Variants in CLDN14 observed in about 807,000 individuals in gnomAD.
CLDN14 encodes the protein claudin 14, also known as claudin-14.
A neutral mutation model predicts 2.1 loss-of-function variants in CLDN14; 2 were observed. The observed-to-expected ratio is 0.96, with a 90% CI of 0.39 to 3.01. The LOEUF (loss-of-function observed/expected upper bound fraction) is 3.01, where lower values mean the gene tolerates loss of function less well. Ranked by LOEUF, CLDN14 falls within the 30% of genes most tolerant of loss-of-function variation. The pLI, the probability that CLDN14 is intolerant of heterozygous loss-of-function variation, is 0.09. For synonymous variants in CLDN14, 136 were observed against 154.4 expected (o/e 0.88, Z 0.88); for missense variants, 298 against 328.0 (o/e 0.91, Z 0.71).
rs934736570 is a variant in CLDN14 at position 36,568,045 on chromosome 21, C to T, written c.-220+8366G>A. On this transcript the variant is annotated intron_variant, in intron 1 of 2. Transcript: ENST00000342108. ...AGCAAGAGGTCTAGAGAAAGGCAACCGGGAATGGTTCGGAGAAGCGCTCTG... is the reference window on the plus strand; with the variant it reads ...AGCAAGAGGTCTAGAGAAAGGCAACTGGGAATGGTTCGGAGAAGCGCTCTG... Among the ~76,000 whole-genome samples, 4 of 151,906 alleles carry T rather than the reference C, an allele frequency of 2.6e-5. No homozygotes were observed. The East Asian group carries it at 5.8e-4, about 22-fold the overall frequency.
chr21:36,478,861 G>A (rs556159121), intron 1 of CLDN14, among the ~76,000 whole-genome samples: 1 of 152,296 alleles, frequency 6.6e-6, no homozygotes, highest in South Asian at 2.1e-4. Flanking sequence ...CGTGGCAGCT[G>A]TTGGGGATGT....
intron 1 of CLDN14, among the ~76,000 whole-genome samples, chr21:36,561,703 C>T (rs776258526): frequency 1.3e-5 from 2 of 152,190 alleles, no homozygotes; most frequent in Non-Finnish European, 2.9e-5. Flanking sequence ...TTCAATGTAG[C>T]AAATGCACCT....
At position 36,563,563 on chromosome 21, in the gene CLDN14, C is replaced by T. The variant is rs145221638; in HGVS notation, c.-220+12848G>A. ...CTTACAGTCTTATGAGCCATAGGGC[C>T]GTCACTGATAATTCTCTGTCAAAGA... On this transcript the variant is annotated intron_variant, in intron 1 of 2. Coordinates refer to the CLDN14 transcript ENST00000342108. Among the ~76,000 whole-genome samples the T allele has an allele frequency of 3.2e-3, 494 of 152,260 alleles. 1 individual carries two copies. Among genetic ancestry groups the T allele is most frequent in the African/African-American group, 0.011 (448 of 41,550 alleles).
At chr21:36,489,374 A>G (rs193191070) in intron 2 of CLDN14, among the ~76,000 whole-genome samples, 234 of 152,202 alleles carry the variant, frequency 1.5e-3, no homozygotes, top group Middle Eastern at 0.014. Flanking sequence ...CTCCCTTCTC[A>G]GTTCCAGCTG....
chr21:36,467,696 G>A (rs1051731139), intron 1 of CLDN14, among the ~76,000 whole-genome samples: 8 of 152,132 alleles, frequency 5.3e-5, no homozygotes, highest in Non-Finnish European at 4.4e-5. Flanking sequence ...TGGGATGGGT[G>A]GGGTGTTTGA....
chr21:36,481,349 T>G (rs902613539), upstream of CLDN14, among the ~76,000 whole-genome samples: 1 of 152,184 alleles, frequency 6.6e-6, no homozygotes, highest in Non-Finnish European at 1.5e-5. Flanking sequence ...TTAAGAATAT[T>G]GGAATATATA....
At chr21:36,533,532 T>C (rs908612788) in intron 1 of CLDN14, among the ~76,000 whole-genome samples, 3 of 152,124 alleles carry the variant, frequency 2.0e-5, no homozygotes, top group African/African-American at 7.2e-5. Flanking sequence ...GGTGATTACG[T>C]AGACATTGTA....
intron 1 of CLDN14, among the ~76,000 whole-genome samples, chr21:36,537,656 CT>C (rs71198822): frequency 2.4e-4 from 35 of 143,248 alleles, no homozygotes; most frequent in Admixed American, 4.9e-4. Context: ...CTTTTCTTTT[CT>C]TTTTTTTTTT....
chr21:36,548,721 G>A (rs879679024), intron 1 of CLDN14, among the ~76,000 whole-genome samples: 11 of 152,140 alleles, frequency 7.2e-5, no homozygotes, highest in Non-Finnish European at 1.5e-4. Flanking sequence ...CAAAGGCATC[G>A]ATGACCCCCT....
chr21:36,488,488 T>C (rs1191035986), intron 2 of CLDN14, among the ~76,000 whole-genome samples: 1 of 152,096 alleles, frequency 6.6e-6, no homozygotes, highest in African/African-American at 2.4e-5. Flanking sequence ...GCCAGGATGA[T>C]CTCAATCCCT....
intron 1 of CLDN14, among the ~76,000 whole-genome samples, chr21:36,553,050 C>T (rs543602321): frequency 1.6e-4 from 25 of 152,330 alleles, no homozygotes; most frequent in African/African-American, 5.5e-4. Flanking sequence ...AATCCCTTGG[C>T]CTTGGGCCTC....
chr21:36,489,131 A>AATATATATAT (rs1555847001), intron 2 of CLDN14, among the ~76,000 whole-genome samples: 28 of 62,738 alleles, frequency 4.5e-4, no homozygotes, highest in East Asian at 1.2e-3. Context: ...AAAAAAAAAA[A>AATATATATAT]ATATATATAT....
At chr21:36,568,430 C>T (rs78326587) in intron 1 of CLDN14, among the ~76,000 whole-genome samples, 47 of 152,330 alleles carry the variant, frequency 3.1e-4, no homozygotes, top group Admixed American at 7.8e-4. Flanking sequence ...GCCACCAGTG[C>T]GGCATCTTCT....
At chr21:36,537,488 G>A (rs2087433631) in intron 1 of CLDN14, among the ~76,000 whole-genome samples, 1 of 152,092 alleles carries the variant, frequency 6.6e-6, no homozygotes, top group Non-Finnish European at 1.5e-5. Flanking sequence ...AGTAGATGAC[G>A]CTAGAGTTAA....
rs1018980798 is a variant in CLDN14 at position 36,498,484 on chromosome 21, C to T, written c.-82+11879G>A. On this transcript the variant is annotated intron_variant, in intron 2 of 2. Coordinates refer to the CLDN14 transcript ENST00000342108. The surrounding 1 kb of genome is among the most constrained non-coding windows in gnomAD (Gnocchi z 4.9). ...CCAACTGGTGGGAAAAATACTTGCA[C>T]GGCAGCAGGTTGTTTGAATAAAATA... Among the ~76,000 whole-genome samples the T allele has an allele frequency of 9.9e-5, 15 of 152,144 alleles. No homozygotes were observed. The highest frequency in any genetic ancestry group is 2.1e-4 in the South Asian group (1 of 4,832).
chr21:36,524,214 G>C (rs547832084), intron 1 of CLDN14, among the ~76,000 whole-genome samples: 2 of 151,900 alleles, frequency 1.3e-5, no homozygotes, highest in Non-Finnish European at 2.9e-5. Flanking sequence ...TTGACCTCCC[G>C]GGCTCCAGCG....
rs931679333 is a variant in CLDN14 at position 36,479,771 on chromosome 21, A to G, written c.-358T>C. The stretch of plus-strand genomic sequence containing the variant: ...AGGAGGTGGCTTGGCCAGAGCAGAC[A>G]TTCAAGACCAACCAGAAATGTCATT... On this transcript the variant is annotated 5_prime_UTR_variant, in exon 1 of 2. It removes an upstream start codon present in the reference 5' UTR. Transcript: ENST00000399135. 1 of 152,252 alleles carries G rather than the reference A, an allele frequency of 6.6e-6. No individual in the cohort carries two copies. The highest frequency in any genetic ancestry group is 6.5e-5 in the Admixed American group (1 of 15,270). 9.4% of individuals were successfully genotyped at this position (152,252 alleles called of 1,614,324 possible).
intron 2 of CLDN14, among the ~76,000 whole-genome samples, chr21:36,501,332 C>CTTTTTTTTTTTTTTTTTTTTTTTTTT (rs58458004): frequency 2.1e-5 from 1 of 48,390 alleles, no homozygotes; most frequent in Non-Finnish European, 4.3e-5. Flanking sequence ...CAATATCTCA[C>CTTTTTTTTTTTTTTTTTTTTTTTTTT]TTTTTTTTTT....
At chr21:36,527,276 A>C (rs2087339689) in intron 1 of CLDN14, among the ~76,000 whole-genome samples, 1 of 152,150 alleles carries the variant, frequency 6.6e-6, no homozygotes. Context: ...AGTTCCTTAG[A>C]GATTGATTGG....
Sources: gnomAD v4.1 joint callset for allele counts (sites outside exome capture counted in the v4.1 genomes callset) on GRCh38, gnomAD v4.1.1 for gene constraint, Gnocchi (gnomAD v3.1) non-coding constraint, MANE v1.5 for transcripts, NCBI Gene and HGNC (gene_info 2026-07-23, HGNC 2026-07-21) for gene names.